GSG1L: variants seen among roughly 807,000 people sequenced by gnomAD.
The protein encoded by GSG1L is germ cell-specific gene 1-like protein.
In GSG1L, 24 loss-of-function variants were observed where a neutral mutation model predicts 42.1. The observed-to-expected ratio is 0.57, with a 90% CI of 0.41 to 0.80. The LOEUF is 0.80. Ranked by LOEUF, GSG1L falls within the 30% of genes least tolerant of loss-of-function variation. GSG1L has a pLI of 0.00. For missense variants in GSG1L, 445 were observed against 472.2 expected (o/e 0.94, Z 0.53); for synonymous variants, 215 against 203.5 (o/e 1.06, Z -0.48).
chr16:27,794,567 G>A (rs571688734), intron 6 of GSG1L, among the ~76,000 whole-genome samples: 29 of 152,090 alleles, frequency 1.9e-4, no homozygotes, highest in Admixed American at 5.9e-4. Context: ...TCCTGACCTC[G>A]TGATCCACCC....
chr16:27,926,695 A>G (rs796553013), intron 2 of GSG1L, among the ~76,000 whole-genome samples: 6 of 152,310 alleles, frequency 3.9e-5, no homozygotes, highest in African/African-American at 1.4e-4. Flanking sequence ...TCACAAAGGA[A>G]AAAACAAACG....
chr16:28,011,015 C>A (rs1406980713), intron 1 of GSG1L, among the ~76,000 whole-genome samples: 1 of 152,166 alleles, frequency 6.6e-6, no homozygotes, highest in Non-Finnish European at 1.5e-5. Flanking sequence ...CTCTGCCGGG[C>A]AGGCTGCACT....
intron 2 of GSG1L, among the ~76,000 whole-genome samples, chr16:27,961,899 A>G (rs976850926): frequency 6.6e-6 from 1 of 151,968 alleles, no homozygotes; most frequent in Non-Finnish European, 1.5e-5. Context: ...TTGCCCCTCA[A>G]CTTCACCAGC....
intron 2 of GSG1L, among the ~76,000 whole-genome samples, chr16:27,910,318 T>C (rs2084373219): frequency 6.6e-6 from 1 of 152,144 alleles, no homozygotes; most frequent in African/African-American, 2.4e-5. Context: ...CAAGGACAAA[T>C]GTAGTATTCA....
chr16:28,044,297 G>A (rs2086140024), intron 1 of GSG1L, among the ~76,000 whole-genome samples: 1 of 143,086 alleles, frequency 7.0e-6, no homozygotes, highest in African/African-American at 2.5e-5. Flanking sequence ...GGATGGGAAA[G>A]AGAGAAAGAG....
At chr16:27,999,201 G>C (rs556053857) in intron 1 of GSG1L, among the ~76,000 whole-genome samples, 5 of 152,142 alleles carry the variant, frequency 3.3e-5, no homozygotes, top group African/African-American at 4.8e-5. Flanking sequence ...CCAGAACTTT[G>C]GGAGGCCAAG....
intron 1 of GSG1L, among the ~76,000 whole-genome samples, chr16:28,029,488 GA>G (rs1227565826): frequency 1.3e-5 from 2 of 152,060 alleles, no homozygotes; most frequent in East Asian, 3.9e-4. Flanking sequence ...ATGAATGATG[GA>G]AAAATGGATG....
At chr16:27,997,388 C>T (rs1241060688) in intron 1 of GSG1L, among the ~76,000 whole-genome samples, 3 of 140,970 alleles carry the variant, frequency 2.1e-5, no homozygotes, top group Non-Finnish European at 4.5e-5. Context: ...GGTGCAACCT[C>T]GGCTCACTGC....
chr16:28,044,903 G>C (rs2086145182), intron 1 of GSG1L, among the ~76,000 whole-genome samples: 1 of 152,178 alleles, frequency 6.6e-6, no homozygotes, highest in South Asian at 2.1e-4. Context: ...AGGATTACAG[G>C]CGTGAGCTAC....
intron 2 of GSG1L, among the ~76,000 whole-genome samples, chr16:27,952,986 T>G (rs2084966218): frequency 6.6e-6 from 1 of 152,280 alleles, no homozygotes; most frequent in Non-Finnish European, 1.5e-5. Context: ...CAGATAGGGC[T>G]TCTGCATTTT....
At chr16:27,874,490 A>C (rs1214186537) in intron 3 of GSG1L, among the ~76,000 whole-genome samples, 2 of 118,324 alleles carry the variant, frequency 1.7e-5, no homozygotes, top group East Asian at 5.5e-4. Context: ...CTTTGTCACC[A>C]AGGCTGGAGT....
chr16:27,794,424 G>A (rs1009718453), intron 6 of GSG1L, among the ~76,000 whole-genome samples: 7 of 151,748 alleles, frequency 4.6e-5, no homozygotes, highest in Non-Finnish European at 7.4e-5. Flanking sequence ...TCCGCTTCCC[G>A]GGTTCACGCC....
chr16:27,828,713 G>T lies in GSG1L; in HGVS notation c.830+76C>A. On this transcript the variant is annotated intron_variant, in intron 5 of 6. Transcript: ENST00000447459. The stretch of plus-strand genomic sequence containing the variant: ...CCATTCATTCCAGTTTTTGACTGGG[G>T]CCCGGTGGCCACTGAGGCCAGGCCG... The T allele has an allele frequency of 2.1e-6, 3 of 1,420,978 alleles. 1 individual carries two copies. In the South Asian group the frequency reaches 4.0e-5, roughly 19 times the overall value. The allele number at this position is 1,420,978 out of a possible 1,614,324, so 88.0% of individuals were successfully genotyped here. A position where few individuals can be genotyped will look rare whatever the true frequency, so the allele number is the denominator to read the frequency against.
Position 27,948,908 on chromosome 16 carries a change from C to CTATTATTATTATTATTATTATTAT in GSG1L, c.397+14224_397+14247dup, listed in dbSNP as rs372937677. On this transcript the variant is annotated intron_variant, in intron 2 of 6. Coordinates refer to ENST00000447459, the MANE Select transcript of GSG1L (RefSeq NM_001109763.2). ...ACAGGTGTGAACCACCGCACCTGATCTATTATTATTATTATTATTATTATT... is the reference window on the plus strand; with the variant it reads ...ACAGGTGTGAACCACCGCACCTGATCTATTATTATTATTATTATTATTATTATTATTATTATTATTATTATTATT... Among the ~76,000 whole-genome samples, 1,355 of 141,386 alleles carry CTATTATTATTATTATTATTATTAT rather than the reference C, an allele frequency of 9.6e-3. 16 individuals carry two copies. The highest frequency in any genetic ancestry group is 0.015 in the South Asian group (62 of 4,272). 92.8% of individuals were successfully genotyped at this position (141,386 alleles called of 152,430 possible).
intron 5 of GSG1L, among the ~76,000 whole-genome samples, chr16:27,820,427 C>T (rs1046180274): frequency 6.6e-6 from 1 of 151,726 alleles, no homozygotes; most frequent in Admixed American, 6.6e-5. Context: ...AGAGCTGCTT[C>T]GTGGAGTGAG....
chr16:27,914,518 C>A lies in GSG1L; in HGVS notation c.398-29880G>T, dbSNP rs193099280. Among the ~76,000 whole-genome samples the A allele has an allele frequency of 1.2e-4, 18 of 147,092 alleles. No homozygotes were observed. In the East Asian group the frequency reaches 3.1e-3, roughly 25 times the overall value. On this transcript the variant is annotated intron_variant, in intron 2 of 6. Transcript: ENST00000447459. ...GCGTTTTCTCTTTCTTTTCCTTTTT[C>A]TTTTCTTTTCTATTTTTTTTTTTTT...
intron 2 of GSG1L, among the ~76,000 whole-genome samples, chr16:27,887,908 C>A (rs1321888493): frequency 2.0e-5 from 3 of 152,120 alleles, no homozygotes; most frequent in African/African-American, 7.2e-5. Flanking sequence ...GTTAAAACAC[C>A]CCCTGGCACC....
intron 4 of GSG1L, among the ~76,000 whole-genome samples, chr16:27,833,150 T>TG (rs2083289833): frequency 6.6e-6 from 1 of 152,210 alleles, no homozygotes; most frequent in Admixed American, 6.5e-5. Context: ...CAGTTTAAAG[T>TG]AAGGCTGATT....
At chr16:27,821,965 A>G (rs2140958671) in intron 5 of GSG1L, among the ~76,000 whole-genome samples, 1 of 152,246 alleles carries the variant, frequency 6.6e-6, no homozygotes, top group South Asian at 2.1e-4. Context: ...CAAGCTAAAC[A>G]AAACACATCT....
Sources: allele counts gnomAD v4.1 joint callset (sites outside exome capture counted in the v4.1 genomes callset), GRCh38; gene constraint gnomAD v4.1.1; transcripts MANE v1.5; gene names NCBI Gene and HGNC (gene_info 2026-07-23, HGNC 2026-07-21).